ZNF407: variants seen among roughly 807,000 people sequenced by gnomAD.
The protein encoded by ZNF407 is zinc finger protein 407.
In ZNF407, 17 loss-of-function variants were observed where a neutral mutation model predicts 131.2. The observed-to-expected ratio is 0.13, with a 90% confidence interval of 0.09 to 0.19. ZNF407 has a LOEUF of 0.19. Among genes scored for constraint, ZNF407 ranks in the 10% least tolerant of loss-of-function variants. The pLI, the probability that ZNF407 is intolerant of heterozygous loss-of-function variation, is 1.00. For missense variants in ZNF407, 2,681 were observed against 2,830.6 expected, an observed-to-expected ratio of 0.95 and a Z score of 1.20; for synonymous variants, 1,156 against 1,062.0, an observed-to-expected ratio of 1.09 and a Z score of -1.72.
chr18:75,007,653 C>T (rs1972927405), intron 8 of ZNF407, among the ~76,000 whole-genome samples: 1 of 152,154 alleles, frequency 6.6e-6, no homozygotes, highest in Admixed American at 6.5e-5. Flanking sequence ...ATGTTAGAAT[C>T]GATATCTAAA....
intron 3 of ZNF407, among the ~76,000 whole-genome samples, chr18:74,771,011 T>C (rs1269756281): frequency 6.6e-6 from 1 of 152,134 alleles, no homozygotes; most frequent in Non-Finnish European, 1.5e-5. Flanking sequence ...AAAATAATAA[T>C]TATAAAGAAT....
chr18:74,737,556 TGTG>T (rs552646066), intron 3 of ZNF407, among the ~76,000 whole-genome samples: 175 of 152,344 alleles, frequency 1.1e-3, no homozygotes, highest in Non-Finnish European at 1.9e-3. Context: ...TTATATAACT[TGTG>T]GTCTGTATTT....
intron 8 of ZNF407, among the ~76,000 whole-genome samples, chr18:74,939,602 G>A (rs868628998): frequency 6.6e-6 from 1 of 152,206 alleles, no homozygotes; most frequent in African/African-American, 2.4e-5. Context: ...AAAACAGTGA[G>A]ATGCCCCTTT....
intron 3 of ZNF407, among the ~76,000 whole-genome samples, chr18:74,717,429 A>G (rs117498347): frequency 0.01 from 1,549 of 152,316 alleles, 19 homozygotes; most frequent in South Asian, 0.025. Flanking sequence ...AAATGAATCA[A>G]ACTATAAAAT....
chr18:74,928,689 A>T (rs1971944185), intron 8 of ZNF407, among the ~76,000 whole-genome samples: 1 of 152,194 alleles, frequency 6.6e-6, no homozygotes, highest in East Asian at 1.9e-4. Context: ...CTGTTTTGTC[A>T]ATCTTAAGAT....
At chr18:74,849,051 T>TA (rs1393791524) in intron 4 of ZNF407, among the ~76,000 whole-genome samples, 10 of 33,956 alleles carry the variant, frequency 2.9e-4, no homozygotes, top group African/African-American at 4.1e-4. Flanking sequence ...TACTTTTGTT[T>TA]CTTTTTTTTT....
intron 5 of ZNF407, among the ~76,000 whole-genome samples, chr18:74,880,182 C>T (rs974824214): frequency 6.6e-6 from 1 of 152,160 alleles, no homozygotes; most frequent in Non-Finnish European, 1.5e-5. Context: ...ATCTGCCTAG[C>T]TGGCCAGCAC....
intron 4 of ZNF407, among the ~76,000 whole-genome samples, chr18:74,796,007 T>G (rs1969912846): frequency 6.6e-6 from 1 of 152,230 alleles, no homozygotes; most frequent in African/African-American, 2.4e-5. Flanking sequence ...GGAAAGTAAT[T>G]TTGGAACATG....
intron 4 of ZNF407, among the ~76,000 whole-genome samples, chr18:74,852,814 T>C (rs781341807): frequency 6.6e-6 from 1 of 152,202 alleles, no homozygotes; most frequent in Non-Finnish European, 1.5e-5. Context: ...GCAAATGATT[T>C]TTTCAAGGTT....
chr18:75,054,963 G>A lies in ZNF407; in HGVS notation c.5429-8187G>A, dbSNP rs537605558. ...GTCACTAATGCTCACACACGTGTCG[G>A]CACACAGGAGCAGAAGGCTTGCACT... On this transcript the variant is annotated intron_variant, in intron 8 of 8. Transcript: ENST00000299687. 4.6e-5 allele frequency among the ~76,000 whole-genome samples: 7 copies of A among 152,330 alleles called. No homozygotes were observed. The South Asian group carries it at 1.2e-3, about 27-fold the overall frequency.
chr18:75,060,807 A>G (rs1231494538), intron 8 of ZNF407, among the ~76,000 whole-genome samples: 4 of 152,240 alleles, frequency 2.6e-5, no homozygotes, highest in African/African-American at 9.6e-5. Flanking sequence ...GCCCGGCCGC[A>G]GCTCTTTTCT....
rs1599110321 is a variant in ZNF407, at chr18:74,735,781, G to C, written c.4803-45647G>C. 1.3e-5 allele frequency among the ~76,000 whole-genome samples: 2 copies of C among 152,150 alleles called. 1 individual carries two copies. Among genetic ancestry groups the C allele is most frequent in the African/African-American group, 4.8e-5 (2 of 41,454 alleles). ...TTCTTTGGAGGCATGCAACCTTGTG[G>C]CCATATTGGAAAGTTTGAGTATATT... On this transcript the variant is annotated intron_variant, in intron 3 of 8. Coordinates refer to ENST00000299687, the MANE Select transcript of ZNF407 (RefSeq NM_017757.3).
chr18:75,008,774 A>T (rs1432689920), intron 8 of ZNF407, among the ~76,000 whole-genome samples: 1 of 152,158 alleles, frequency 6.6e-6, no homozygotes, highest in African/African-American at 2.4e-5. Flanking sequence ...TTGCGGTTTT[A>T]CTTTTTATAA....
intron 3 of ZNF407, among the ~76,000 whole-genome samples, chr18:74,689,192 C>T (rs1967164555): frequency 6.6e-6 from 1 of 152,168 alleles, no homozygotes; most frequent in Non-Finnish European, 1.5e-5. Flanking sequence ...TTTCTGCATA[C>T]AGATCTTGCA....
chr18:74,881,472 A>G (rs1194139210), intron 6 of ZNF407, among the ~76,000 whole-genome samples: 1 of 152,036 alleles, frequency 6.6e-6, no homozygotes, highest in Non-Finnish European at 1.5e-5. Context: ...GTCTTTGTCA[A>G]CCAGTCTCCC....
chr18:74,713,358 C>CTTT (rs5826345), intron 3 of ZNF407, among the ~76,000 whole-genome samples: 9 of 84,410 alleles, frequency 1.1e-4, no homozygotes, highest in African/African-American at 1.9e-4. Flanking sequence ...ATTTTAGCAT[C>CTTT]TTTTTTTTTT....
chr18:75,058,469 C>G (rs1319263809), intron 8 of ZNF407, among the ~76,000 whole-genome samples: 1 of 152,160 alleles, frequency 6.6e-6, no homozygotes, highest in Non-Finnish European at 1.5e-5. Context: ...GCTTATTGCC[C>G]TGTTGAAAAC....
At chr18:74,755,214 C>T (rs1014489799) in intron 3 of ZNF407, among the ~76,000 whole-genome samples, 2 of 152,042 alleles carry the variant, frequency 1.3e-5, no homozygotes, top group Non-Finnish European at 2.9e-5. Flanking sequence ...GTAGATCTTC[C>T]TCCATCCCTT....
intron 7 of ZNF407, among the ~76,000 whole-genome samples, chr18:74,894,760 A>G (rs1971430699): frequency 6.6e-6 from 1 of 152,158 alleles, no homozygotes; most frequent in South Asian, 2.1e-4. Context: ...CCTACATTGC[A>G]CTTTAAATGT....
Sources: allele counts gnomAD v4.1 joint callset (sites outside exome capture counted in the v4.1 genomes callset), GRCh38; gene constraint gnomAD v4.1.1; transcripts MANE v1.5; gene names NCBI Gene and HGNC (gene_info 2026-07-23, HGNC 2026-07-21).